The following TYR variants were observed in gnomAD, a reference collection of about 807,000 sequenced individuals.
TYR encodes the protein tyrosinase, also known as LB24-AB.
TYR carries 58 observed loss-of-function variants against 51.5 expected under a neutral mutation model. The ratio of observed to expected loss-of-function variants is 1.13; its 90% confidence interval spans 0.91 to 1.40. The LOEUF (loss-of-function observed/expected upper bound fraction) is 1.40. TYR is among the 40% of genes most tolerant of loss of function. The pLI, the probability that TYR is intolerant of heterozygous loss-of-function variation, is 0.00. For synonymous variants in TYR, 263 were observed against 235.2 expected (o/e 1.12, Z -1.08); for missense variants, 732 against 647.4 (o/e 1.13, Z -1.42).
intron 3 of TYR, among the ~76,000 whole-genome samples, chr11:89,282,605 C>T (rs1199741976): frequency 3.3e-5 from 5 of 151,700 alleles, no homozygotes; most frequent in African/African-American, 1.2e-4. Context: ...AGAAGAAAAC[C>T]ATAAAAGTTA....
intron 3 of TYR, among the ~76,000 whole-genome samples, chr11:89,259,790 C>T (rs1944436119): frequency 2.0e-5 from 3 of 152,098 alleles, no homozygotes; most frequent in East Asian, 1.9e-4. Context: ...ATCATCAATG[C>T]ATAATGACAG....
At chr11:89,255,880 T>G (rs1348168284) in intron 3 of TYR, among the ~76,000 whole-genome samples, 1 of 151,720 alleles carries the variant, frequency 6.6e-6, no homozygotes, top group Non-Finnish European at 1.5e-5. Context: ...TTGTCTCTAT[T>G]GTTTTTCCAT....
intron 1 of TYR, among the ~76,000 whole-genome samples, chr11:89,185,612 G>A (rs1285806051): frequency 6.6e-6 from 1 of 152,104 alleles, no homozygotes; most frequent in Non-Finnish European, 1.5e-5. Flanking sequence ...GTGTAAGTTG[G>A]GTAAAGAACA....
chr11:89,242,697 T>A (rs899772572), intron 3 of TYR, among the ~76,000 whole-genome samples: 11 of 152,298 alleles, frequency 7.2e-5, no homozygotes, highest in Admixed American at 6.5e-4. Flanking sequence ...AAACTTTTTT[T>A]ACATTTAGAA....
At chr11:89,248,463 T>C (rs1944293089) in intron 3 of TYR, among the ~76,000 whole-genome samples, 1 of 152,088 alleles carries the variant, frequency 6.6e-6, no homozygotes, top group Non-Finnish European at 1.5e-5. Context: ...TAGAAATCCC[T>C]CTGGGACAAG....
At chr11:89,257,310 T>G (rs1409693717) in intron 3 of TYR, among the ~76,000 whole-genome samples, 3 of 151,972 alleles carry the variant, frequency 2.0e-5, no homozygotes, top group Non-Finnish European at 2.9e-5. Context: ...CTCCCATACA[T>G]AGGTAAATTT....
intron 3 of TYR, among the ~76,000 whole-genome samples, chr11:89,256,902 G>A (rs190540814): frequency 5.8e-4 from 88 of 151,994 alleles, no homozygotes; most frequent in African/African-American, 2.1e-3. Context: ...GAGTATACTA[G>A]TGCTCTACAG....
intron 2 of TYR, among the ~76,000 whole-genome samples, chr11:89,214,040 A>C (rs979184677): frequency 2.0e-5 from 3 of 152,146 alleles, no homozygotes. Flanking sequence ...AGACTTCATG[A>C]CTAAAACACC....
chr11:89,210,365 T>TA (rs369483902), intron 2 of TYR, among the ~76,000 whole-genome samples: 28,680 of 151,318 alleles, frequency 0.19, 3,574 homozygotes, highest in African/African-American at 0.36. Flanking sequence ...GAAGAAAGGA[T>TA]TGAAGATCAA....
At chr11:89,237,961 G>A (rs964700105) in intron 3 of TYR, among the ~76,000 whole-genome samples, 1 of 151,846 alleles carries the variant, frequency 6.6e-6, no homozygotes, top group African/African-American at 2.4e-5. Flanking sequence ...TCAGCCTCCT[G>A]AGTTGCTGGG....
At chr11:89,252,579 A>G (rs1012716418) in intron 3 of TYR, among the ~76,000 whole-genome samples, 3 of 151,894 alleles carry the variant, frequency 2.0e-5, no homozygotes, top group African/African-American at 7.2e-5. Context: ...TAGTAAAATA[A>G]TTCCCTGAAA....
intron 2 of TYR, among the ~76,000 whole-genome samples, chr11:89,193,791 CAG>C (rs1210785423): frequency 1.3e-5 from 2 of 152,042 alleles, no homozygotes; most frequent in African/African-American, 4.8e-5. Context: ...TTTAAGCTTA[CAG>C]AGATGTTGTG....
intron 4 of TYR, 37 bp from the exon 5 acceptor site, chr11:89,295,106 G>A (rs1316649666): frequency 3.1e-6 from 5 of 1,609,304 alleles, no homozygotes; most frequent in East Asian, 2.2e-5. Flanking sequence ...AACAATGGTG[G>A]TAACAATAAA....
intron 2 of TYR, among the ~76,000 whole-genome samples, chr11:89,198,769 A>ATATATATATATTTTT (rs951676764): frequency 6.6e-4 from 99 of 151,084 alleles, no homozygotes; most frequent in African/African-American, 2.0e-3. Context: ...ATATATATAT[A>ATATATATATATTTTT]TTTTTATACT....
At chr11:89,222,603 C>G (rs1332327840) in intron 2 of TYR, among the ~76,000 whole-genome samples, 1 of 151,950 alleles carries the variant, frequency 6.6e-6, no homozygotes, top group Non-Finnish European at 1.5e-5. Flanking sequence ...GCCAGGCATG[C>G]TGGCTTGTGC....
At chr11:89,288,295 A>T (rs1224893356) in intron 4 of TYR, among the ~76,000 whole-genome samples, 3 of 152,010 alleles carry the variant, frequency 2.0e-5, no homozygotes, top group Non-Finnish European at 2.9e-5. Flanking sequence ...AGATAAAGTG[A>T]TTAATTTTAA....
intron 2 of TYR, among the ~76,000 whole-genome samples, chr11:89,226,100 T>C (rs1412519116): frequency 6.6e-6 from 1 of 152,088 alleles, no homozygotes; most frequent in Non-Finnish European, 1.5e-5. Flanking sequence ...GAGTTTTAAA[T>C]TTTTCATTTG....
chr11:89,257,030 T>C (rs2135303967), intron 3 of TYR, among the ~76,000 whole-genome samples: 1 of 152,026 alleles, frequency 6.6e-6, no homozygotes, highest in Middle Eastern at 3.4e-3. Flanking sequence ...CTTGGTGTGC[T>C]GATAAGAAAG....
At chr11:89,199,131 G>T (rs1943564073) in intron 2 of TYR, among the ~76,000 whole-genome samples, 1 of 152,136 alleles carries the variant, frequency 6.6e-6, no homozygotes, top group African/African-American at 2.4e-5. Context: ...TGGTGTATAT[G>T]TGCCACATTT....
Sources: gnomAD v4.1 joint callset for allele counts (sites outside exome capture counted in the v4.1 genomes callset) on GRCh38, gnomAD v4.1.1 for gene constraint, MANE v1.5 for transcripts, NCBI Gene and HGNC (gene_info 2026-07-23, HGNC 2026-07-21) for gene names.